The following RASGRP3 variants were observed in gnomAD, a reference collection of about 807,000 sequenced individuals.
RASGRP3 encodes the protein RAS guanyl releasing protein 3, also known as ras guanyl-releasing protein 3.
In RASGRP3, 54 loss-of-function variants were observed where a neutral mutation model predicts 82.7. That is an observed-to-expected ratio of 0.65 (90% CI 0.52 to 0.82). The LOEUF (loss-of-function observed/expected upper bound fraction) is 0.82, where lower values mean the gene tolerates loss of function less well. Among genes scored for constraint, RASGRP3 ranks in the 40% least tolerant of loss-of-function variants. The probability of loss-of-function intolerance (pLI) is 0.00; values close to 1 mark genes in which losing one functional copy is unlikely to be tolerated. For synonymous variants in RASGRP3, 309 were observed against 300.5 expected, an observed-to-expected ratio of 1.03 and a Z score of -0.29; for missense variants, 861 against 828.9, an observed-to-expected ratio of 1.04 and a Z score of -0.48.
chr2:33,547,958 T>A (rs897161858), intron 13 of RASGRP3, among the ~76,000 whole-genome samples: 1 of 152,162 alleles, frequency 6.6e-6, no homozygotes, highest in Non-Finnish European at 1.5e-5. Flanking sequence ...ACTGAGGATG[T>A]TCTTGGTGAC....
intron 17 of RASGRP3, among the ~76,000 whole-genome samples, chr2:33,561,247 AAT>A (rs1222977374): frequency 6.6e-6 from 1 of 151,952 alleles, no homozygotes; most frequent in Non-Finnish European, 1.5e-5. Context: ...TTGCATTTTC[AAT>A]AGAGACAGGG....
chr2:33,471,530 C>T (rs1051063703), intron 2 of RASGRP3, among the ~76,000 whole-genome samples: 7 of 151,624 alleles, frequency 4.6e-5, no homozygotes, highest in African/African-American at 1.5e-4. Context: ...TGAAGTTAGT[C>T]TGTGGTTTTC....
intron 11 of RASGRP3, among the ~76,000 whole-genome samples, chr2:33,534,694 ATT>A (rs71910431): frequency 0.13 from 15,476 of 122,010 alleles, 911 homozygotes; most frequent in Admixed American, 0.17. Context: ...ACACCCAGCA[ATT>A]TTTTTTTTTT....
rs191158962 is a variant in RASGRP3 at position 33,520,910 on chromosome 2, A to T, written c.368+226A>T. On this transcript the variant is annotated intron_variant, in intron 6 of 17. Coordinates refer to ENST00000403687, the MANE Select transcript of RASGRP3 (RefSeq NM_001139488.2). The stretch of plus-strand genomic sequence containing the variant: ...TGGACGATACCTTTCTCATGAGATT[A>T]TTATGAACATTCAATAAGGACACAA... 7.6e-4 allele frequency among the ~76,000 whole-genome samples: 116 copies of T among 152,330 alleles called. 1 individual carries two copies. The highest frequency in any genetic ancestry group is 2.5e-3 in the Admixed American group (38 of 15,296).
At chr2:33,552,525 C>T (rs751012279) in intron 14 of RASGRP3, among the ~76,000 whole-genome samples, 5 of 152,030 alleles carry the variant, frequency 3.3e-5, no homozygotes. Flanking sequence ...TTGATCTTTA[C>T]TGACACTCAT....
At chr2:33,533,253 C>T (rs961091860) in intron 10 of RASGRP3, 1 of 152,144 alleles carries the variant, frequency 6.6e-6, no homozygotes, top group African/African-American at 2.4e-5. Context: ...TCCATGTTCT[C>T]CAGCCTGGAT....
intron 13 of RASGRP3, among the ~76,000 whole-genome samples, chr2:33,549,378 A>G (rs906427635): frequency 1.3e-5 from 2 of 152,156 alleles, no homozygotes; most frequent in Non-Finnish European, 2.9e-5. Flanking sequence ...ACACACACAC[A>G]CACACGCAGG....
At chr2:33,511,019 C>T (rs1222754904) in intron 1 of RASGRP3, among the ~76,000 whole-genome samples, 2 of 152,180 alleles carry the variant, frequency 1.3e-5, no homozygotes, top group Non-Finnish European at 2.9e-5. Flanking sequence ...CGTCCTTTTG[C>T]TACAAGAACA....
At chr2:33,513,542 T>C (rs991703938) in intron 2 of RASGRP3, among the ~76,000 whole-genome samples, 9 of 152,146 alleles carry the variant, frequency 5.9e-5, no homozygotes, top group South Asian at 2.1e-4. Flanking sequence ...AAAATAGACA[T>C]TGACTTTAAA....
At chr2:33,468,432 C>T (rs1175972403) in intron 2 of RASGRP3, among the ~76,000 whole-genome samples, 4 of 151,408 alleles carry the variant, frequency 2.6e-5, no homozygotes, top group Admixed American at 6.6e-5. Flanking sequence ...GACGGAGTCT[C>T]GCTCTGTTGC....
At chr2:33,500,524 A>T (rs1489732131) in intron 1 of RASGRP3, among the ~76,000 whole-genome samples, 1 of 152,162 alleles carries the variant, frequency 6.6e-6, no homozygotes, top group Non-Finnish European at 1.5e-5. Flanking sequence ...GGCATGAGGG[A>T]TGGCAAAAGA....
intron 2 of RASGRP3, among the ~76,000 whole-genome samples, chr2:33,448,330 A>T (rs1347477538): frequency 6.6e-6 from 1 of 151,942 alleles, no homozygotes; most frequent in African/African-American, 2.4e-5. Flanking sequence ...TTTGTGCTTT[A>T]AAAAAAACTC....
chr2:33,524,037 T>C lies in RASGRP3; in HGVS notation c.675T>C (p.Phe225=), dbSNP rs767378534. The change falls in exon 8 of 18, where the codon TTT becomes TTC. Residue 225 remains phenylalanine (F), a synonymous_variant. Transcript: ENST00000403687. The part of the protein sequence containing the change: ...PQQRAEVITK[F]INVAKKLLQL... ...AAAGGGCAGAAGTCATCACAAAGTT[T>C]ATCAATGTTGCAAAGGTATGTCTGG... The C allele has an allele frequency of 6.2e-7, 1 of 1,613,948 alleles. No homozygotes were observed. The highest frequency in any genetic ancestry group is 8.5e-7 in the Non-Finnish European group (1 of 1,179,840).
intron 4 of RASGRP3, 112 bp from the exon 5 acceptor site, chr2:33,519,840 A>G (rs917631828): frequency 7.2e-6 from 5 of 691,168 alleles, no homozygotes; most frequent in East Asian, 5.6e-5. Flanking sequence ...TTGAGTGTCT[A>G]TATAACCCCA....
At chr2:33,493,712 T>C (rs1315947688) in intron 1 of RASGRP3, among the ~76,000 whole-genome samples, 1 of 151,916 alleles carries the variant, frequency 6.6e-6, no homozygotes, top group Admixed American at 6.6e-5. Context: ...TAGAGCTTTT[T>C]ATTGAAATCC....
intron 1 of RASGRP3, among the ~76,000 whole-genome samples, chr2:33,442,883 GT>G (rs55978823): frequency 0.82 from 113,728 of 138,566 alleles, 46,243 homozygotes; most frequent in African/African-American, 0.89. Context: ...AATCACTATT[GT>G]TTTTTTTTTT....
chr2:33,474,125 A>G (rs368171446), upstream of RASGRP3, among the ~76,000 whole-genome samples: 11 of 152,144 alleles, frequency 7.2e-5, no homozygotes, highest in East Asian at 2.1e-3. Context: ...ATGGACAGGT[A>G]CCTGTCCATG....
intron 1 of RASGRP3, among the ~76,000 whole-genome samples, chr2:33,500,116 C>A (rs186688910): frequency 5.7e-4 from 86 of 152,186 alleles, no homozygotes; most frequent in Admixed American, 1.4e-3. Context: ...AATAAAGAAA[C>A]AATGTGTGCA....
At chr2:33,560,486 C>G (rs187349493) in intron 17 of RASGRP3, among the ~76,000 whole-genome samples, 132 of 152,278 alleles carry the variant, frequency 8.7e-4, no homozygotes, top group Non-Finnish European at 1.6e-3. Flanking sequence ...ACTTTATACT[C>G]CGTGTAAAAT....
Sources: gnomAD v4.1 joint callset for allele counts (sites outside exome capture counted in the v4.1 genomes callset) on GRCh38, gnomAD v4.1.1 for gene constraint, MANE v1.5 for transcripts, NCBI Gene and HGNC (gene_info 2026-07-23, HGNC 2026-07-21) for gene names.